The following DOCK4 variants were observed in gnomAD, a reference collection of about 807,000 sequenced individuals.
DOCK4 encodes dedicator of cytokinesis protein 4.
Under a neutral mutation model 268.1 loss-of-function variants are expected in DOCK4, and 97 were observed. The observed-to-expected ratio is 0.36, with a 90% CI of 0.31 to 0.43. The LOEUF is 0.43. Ranked by LOEUF, DOCK4 falls within the 20% of genes least tolerant of loss-of-function variation. The pLI is 1.00. For missense variants in DOCK4, 2,145 were observed against 2,455.7 expected, an observed-to-expected ratio of 0.87 and a Z score of 2.67; for synonymous variants, 954 against 887.2, an observed-to-expected ratio of 1.08 and a Z score of -1.34.
intron 1 of DOCK4, among the ~76,000 whole-genome samples, chr7:112,178,312 T>C (rs1008065679): frequency 6.6e-6 from 1 of 152,206 alleles, no homozygotes; most frequent in African/African-American, 2.4e-5. Flanking sequence ...TATTCAATTT[T>C]TAATGGTCTC....
chr7:112,094,845 C>T (rs1255801644), intron 1 of DOCK4, among the ~76,000 whole-genome samples: 1 of 152,064 alleles, frequency 6.6e-6, no homozygotes, highest in Non-Finnish European at 1.5e-5. Flanking sequence ...ATGGTACCTC[C>T]CTGACCCCTT....
intron 27 of DOCK4, among the ~76,000 whole-genome samples, chr7:111,815,054 G>A (rs1801439623): frequency 6.6e-6 from 1 of 152,032 alleles, no homozygotes. Context: ...AGAAATCACA[G>A]CCAATCAAAA....
At chr7:112,008,198 A>G (rs1273836849) in intron 1 of DOCK4, among the ~76,000 whole-genome samples, 1 of 152,188 alleles carries the variant, frequency 6.6e-6, no homozygotes, top group Non-Finnish European at 1.5e-5. Context: ...TGAGAGCACA[A>G]TTTTAAACTG....
In DOCK4 at chr7:111,984,329, T is replaced by C. The variant is rs1347493807; in HGVS notation, c.526A>G (p.Ser176Gly). Residue 176 changes from serine (S) to glycine (G), a missense_variant, in exon 7 of 53, where the codon AGC becomes GGC. Around this residue, in one of 2 missense-constraint regions of DOCK4, gnomAD observed 1,598 missense variants for 1,986.7 expected, o/e 0.80. Transcript: ENST00000428084. ...EYAMVDPEDISITELYRLMEH... is the reference protein window; with the variant it reads ...EYAMVDPEDIGITELYRLMEH... ...ACCAATCGGTAGAGCTCAGTAATGC[T>C]GATGTCTTCCGGATCCACCATTGCG... 1.2e-6 allele frequency: 2 copies of C among 1,613,094 alleles called. No individual in the cohort carries two copies. Among genetic ancestry groups the C allele is most frequent in the Non-Finnish European group, 1.7e-6 (2 of 1,179,498 alleles).
chr7:112,124,183 C>G (rs933805441), intron 1 of DOCK4, among the ~76,000 whole-genome samples: 2 of 152,036 alleles, frequency 1.3e-5, no homozygotes, highest in African/African-American at 2.4e-5. Context: ...CATCACCACA[C>G]TCGACTATTT....
At chr7:112,200,912 C>T (rs552585090) in intron 1 of DOCK4, among the ~76,000 whole-genome samples, 2 of 152,012 alleles carry the variant, frequency 1.3e-5, no homozygotes, top group Admixed American at 1.3e-4. Flanking sequence ...TATGGCCCTT[C>T]GGTGGTATTT....
At chr7:111,988,130 A>G (rs1799195798) in intron 6 of DOCK4, among the ~76,000 whole-genome samples, 2 of 151,984 alleles carry the variant, frequency 1.3e-5, no homozygotes, top group Admixed American at 1.3e-4. Context: ...ACTTCCTGTC[A>G]TTTTCTTCAT....
intron 30 of DOCK4, among the ~76,000 whole-genome samples, chr7:111,796,412 G>A (rs1419396905): frequency 6.6e-6 from 1 of 152,218 alleles, no homozygotes; most frequent in Non-Finnish European, 1.5e-5. Context: ...GTACATTGCA[G>A]CTTTGCAACT....
At chr7:112,067,971 C>T (rs1036248949) in intron 1 of DOCK4, among the ~76,000 whole-genome samples, 1 of 152,114 alleles carries the variant, frequency 6.6e-6, no homozygotes, top group African/African-American at 2.4e-5. Context: ...AATCACTACA[C>T]TTAAGAATGT....
chr7:112,129,866 C>T (rs1200832196), intron 1 of DOCK4, among the ~76,000 whole-genome samples: 2 of 152,152 alleles, frequency 1.3e-5, no homozygotes, highest in African/African-American at 4.8e-5. Flanking sequence ...AGATCTCATG[C>T]CACCAAACTC....
rs1425259094 is a variant in DOCK4, at chr7:111,976,968, A to G, written c.701+164T>C. The G allele has an allele frequency of 1.4e-5, 10 of 706,842 alleles. No homozygotes were observed. In the East Asian group the frequency reaches 2.8e-4, roughly 20 times the overall value. 43.8% of individuals were successfully genotyped at this position (706,842 alleles called of 1,614,324 possible). On this transcript the variant is annotated intron_variant, in intron 8 of 52. Transcript: ENST00000428084. The stretch of plus-strand genomic sequence containing the variant: ...GCTGCATTCATCATCCCTCACAGAA[A>G]CATCCAAAGAACAGGCAGCTTAGAA...
intron 13 of DOCK4, among the ~76,000 whole-genome samples, chr7:111,907,709 G>C (rs1791708880): frequency 6.6e-6 from 1 of 152,020 alleles, no homozygotes; most frequent in Non-Finnish European, 1.5e-5. Flanking sequence ...GTTAGGTTTA[G>C]GATATATATA....
chr7:111,889,839 T>C (rs192635952), intron 16 of DOCK4, among the ~76,000 whole-genome samples: 1 of 152,294 alleles, frequency 6.6e-6, no homozygotes, highest in Admixed American at 6.5e-5. Flanking sequence ...TTTTCCTTCT[T>C]GAATGCCTTG....
intron 1 of DOCK4, among the ~76,000 whole-genome samples, chr7:112,109,205 G>A (rs577746932): frequency 1.3e-5 from 2 of 152,286 alleles, no homozygotes; most frequent in South Asian, 2.1e-4. Context: ...CATGCTGGGT[G>A]CTCATGAGTA....
chr7:111,910,981 T>A (rs910687605), intron 13 of DOCK4, among the ~76,000 whole-genome samples: 6 of 152,208 alleles, frequency 3.9e-5, no homozygotes, highest in Non-Finnish European at 5.9e-5. Flanking sequence ...TTTTTCCCAT[T>A]TCAAAAAGAG....
intron 23 of DOCK4, among the ~76,000 whole-genome samples, chr7:111,859,535 T>C (rs978587408): frequency 1.3e-5 from 2 of 152,020 alleles, no homozygotes; most frequent in Non-Finnish European, 2.9e-5. Context: ...CCTTTTGCTG[T>C]TGTAAAAATT....
intron 7 of DOCK4, among the ~76,000 whole-genome samples, chr7:111,981,659 C>T (rs1025270706): frequency 2.0e-5 from 3 of 152,196 alleles, no homozygotes; most frequent in African/African-American, 7.2e-5. Flanking sequence ...CAAGTGCAAC[C>T]AGCACTGAGG....
At chr7:111,839,436 T>C (rs1803497535) in intron 25 of DOCK4, among the ~76,000 whole-genome samples, 2 of 152,284 alleles carry the variant, frequency 1.3e-5, no homozygotes, top group South Asian at 2.1e-4. Flanking sequence ...AATAGTGAAA[T>C]ATGCTGAAGT....
At chr7:111,736,496 C>T (rs748307312) in intron 50 of DOCK4, among the ~76,000 whole-genome samples, 7 of 152,282 alleles carry the variant, frequency 4.6e-5, no homozygotes, top group East Asian at 1.9e-4. Context: ...AGAGCCGTAT[C>T]TGAGTCACAA....
Sources: gnomAD v4.1 joint callset for allele counts (sites outside exome capture counted in the v4.1 genomes callset) on GRCh38, gnomAD v4.1.1 for gene constraint, gnomAD v4.1.1 regional missense constraint, MANE v1.5 for transcripts, NCBI Gene and HGNC (gene_info 2026-07-23, HGNC 2026-07-21) for gene names.